The following TRIP12 variants were observed in gnomAD, a reference collection of about 807,000 sequenced individuals.
TRIP12 encodes thyroid hormone receptor interactor 12, also known as E3 ubiquitin-protein ligase TRIP12.
TRIP12 carries 25 observed loss-of-function variants against 244.2 expected under a neutral mutation model. That is an observed-to-expected ratio of 0.10 (90% CI 0.07 to 0.14). The LOEUF is 0.14. TRIP12 is among the 10% of genes least tolerant of loss of function. The pLI, the probability that TRIP12 is intolerant of heterozygous loss-of-function variation, is 1.00. For synonymous variants in TRIP12, 905 were observed against 873.1 expected (o/e 1.04, Z -0.64); for missense variants, 1,677 against 2,486.4 (o/e 0.67, Z 6.92).
intron 9 of TRIP12, among the ~76,000 whole-genome samples, chr2:229,816,405 T>C (rs1332393127): frequency 1.3e-5 from 2 of 152,174 alleles, no homozygotes; most frequent in East Asian, 1.9e-4. Context: ...GGCTGTCATG[T>C]TAAAAGAAAA....
intron 2 of TRIP12, among the ~76,000 whole-genome samples, chr2:229,864,095 C>T (rs1323790467): frequency 1.3e-5 from 2 of 150,804 alleles, no homozygotes; most frequent in Non-Finnish European, 3.0e-5. Context: ...CACACGTGCA[C>T]ACATGTGTTC....
chr2:229,804,523 AAAC>A (rs1306019136), intron 18 of TRIP12, among the ~76,000 whole-genome samples: 2 of 152,216 alleles, frequency 1.3e-5, no homozygotes, highest in African/African-American at 4.8e-5. Flanking sequence ...ACATTCAATG[AAAC>A]AATAGGGAAA....
intron 4 of TRIP12, among the ~76,000 whole-genome samples, chr2:229,845,752 G>A (rs1027162704): frequency 1.3e-5 from 2 of 152,286 alleles, no homozygotes; most frequent in African/African-American, 4.8e-5. Context: ...CTGGCCAGGT[G>A]TAGTGGCTCA....
chr2:229,888,647 T>C (rs913688777), intron 1 of TRIP12, among the ~76,000 whole-genome samples: 16 of 151,782 alleles, frequency 1.1e-4, no homozygotes, highest in African/African-American at 3.9e-4. Flanking sequence ...CTACACAAAA[T>C]ACAAAAATTA....
intron 17 of TRIP12, 57 bp downstream of exon 17, chr2:229,807,651 C>G (rs1167598738): frequency 2.5e-6 from 4 of 1,601,556 alleles, no homozygotes; most frequent in Non-Finnish European, 3.4e-6. Flanking sequence ...CCATTCCATC[C>G]CTACACCCAC....
intron 1 of TRIP12, among the ~76,000 whole-genome samples, chr2:229,887,031 C>T (rs1026760443): frequency 2.0e-5 from 3 of 151,966 alleles, no homozygotes; most frequent in South Asian, 2.1e-4. Flanking sequence ...GGGCTCAGCA[C>T]TCAAATACAA....
intron 4 of TRIP12, among the ~76,000 whole-genome samples, chr2:229,855,243 C>A (rs541287349): frequency 1.3e-5 from 2 of 152,012 alleles, no homozygotes; most frequent in Non-Finnish European, 2.9e-5. Context: ...TTCCAGCCTG[C>A]GCAACACAGG....
chr2:229,832,273 T>C (rs1310247380), intron 6 of TRIP12, among the ~76,000 whole-genome samples: 2 of 152,236 alleles, frequency 1.3e-5, no homozygotes, highest in African/African-American at 4.8e-5. Context: ...TATTAGAACA[T>C]AGCTGTACTC....
At chr2:229,768,492 A>C (rs2032787275) in intron 41 of TRIP12, 124 bp downstream of exon 41, 1 of 802,120 alleles carries the variant, frequency 1.2e-6, no homozygotes, top group Non-Finnish European at 2.0e-6. Context: ...TACTATAATG[A>C]TACTGGAATA....
chr2:229,819,856 C>A (rs576085299), intron 8 of TRIP12, among the ~76,000 whole-genome samples: 58 of 152,226 alleles, frequency 3.8e-4, no homozygotes, highest in African/African-American at 1.4e-3. Context: ...TTCCTGGGGG[C>A]GTACACCTCT....
intron 25 of TRIP12, among the ~76,000 whole-genome samples, chr2:229,796,372 T>C (rs185530163): frequency 4.8e-4 from 73 of 152,330 alleles, no homozygotes; most frequent in African/African-American, 1.7e-3. Flanking sequence ...GATACTTCAA[T>C]CATAGAAATA....
At chr2:229,777,686 A>T (rs1349931830) in intron 36 of TRIP12, among the ~76,000 whole-genome samples, 3 of 152,208 alleles carry the variant, frequency 2.0e-5, no homozygotes, top group African/African-American at 7.2e-5. Flanking sequence ...TGTAGTCTGT[A>T]TTACTGAATA....
At chr2:229,832,530 A>G (rs1164957483) in intron 6 of TRIP12, among the ~76,000 whole-genome samples, 2 of 152,230 alleles carry the variant, frequency 1.3e-5, no homozygotes, top group African/African-American at 4.8e-5. Flanking sequence ...ATAACTACAC[A>G]CTATAATGCT....
chr2:229,792,930 A>T, intron 27 of TRIP12, 43 bp downstream of exon 27: 1 of 1,566,864 alleles, frequency 6.4e-7, no homozygotes, highest in Non-Finnish European at 8.7e-7. Flanking sequence ...AATTTCTCCC[A>T]AATATACATA....
At chr2:229,911,101 G>A (rs575528858) in intron 1 of TRIP12, among the ~76,000 whole-genome samples, 1 of 152,292 alleles carries the variant, frequency 6.6e-6, no homozygotes, top group Non-Finnish European at 1.5e-5. Flanking sequence ...AAGCTGGGTG[G>A]CTGTTTTACA....
chr2:229,779,607 C>A (rs969000636), intron 34 of TRIP12, among the ~76,000 whole-genome samples: 1 of 152,134 alleles, frequency 6.6e-6, no homozygotes, highest in Non-Finnish European at 1.5e-5. Flanking sequence ...AGGTCTGATT[C>A]CACACCAGCA....
chr2:229,856,770 A>G (rs1007975619), intron 4 of TRIP12, among the ~76,000 whole-genome samples: 1 of 152,276 alleles, frequency 6.6e-6, no homozygotes, highest in African/African-American at 2.4e-5. Flanking sequence ...AAGCATTGGA[A>G]GGACAAATAG....
chr2:229,913,903 G>C (rs1245905497), intron 1 of TRIP12, among the ~76,000 whole-genome samples: 2 of 152,206 alleles, frequency 1.3e-5, no homozygotes, highest in African/African-American at 4.8e-5. Flanking sequence ...TACAGAAGGA[G>C]AATAGGAGAG....
Position 229,818,344 on chromosome 2 carries a change from G to C in TRIP12, c.1599+20C>G, listed in dbSNP as rs1356064538. ...CAGAGGACAAATGAGGTAAAAACGA[G>C]GGAAAAACATTATGCTTACCAAAGC... is the stretch of plus-strand genomic sequence containing the variant. On this transcript the variant is annotated intron_variant, in intron 9 of 41. Transcript: ENST00000675903. 6.2e-7 allele frequency: 1 copy of C among 1,611,282 alleles called. No homozygotes were observed. Among genetic ancestry groups the C allele is most frequent in the Admixed American group, 1.7e-5 (1 of 59,630 alleles).
Sources: gnomAD v4.1 joint callset for allele counts (sites outside exome capture counted in the v4.1 genomes callset) on GRCh38, gnomAD v4.1.1 for gene constraint, MANE v1.5 for transcripts, NCBI Gene and HGNC (gene_info 2026-07-23, HGNC 2026-07-21) for gene names.